The following SOX5 variants were observed in gnomAD, a reference collection of about 807,000 sequenced individuals.
SOX5 encodes SRY-box transcription factor 5, also known as transcription factor SOX-5.
In SOX5, 9 loss-of-function variants were observed where a neutral mutation model predicts 92.0. The observed-to-expected ratio is 0.10, with a 90% CI of 0.06 to 0.17. The LOEUF is 0.17. Ranked by LOEUF, SOX5 falls within the 10% of genes least tolerant of loss-of-function variation. SOX5 has a pLI of 1.00. For synonymous variants in SOX5, 344 were observed against 336.3 expected, an observed-to-expected ratio of 1.02 and a Z score of -0.25; for missense variants, 642 against 944.5, an observed-to-expected ratio of 0.68 and a Z score of 4.20.
intron 8 of SOX5, among the ~76,000 whole-genome samples, chr12:23,616,154 C>T (rs74071326): frequency 0.086 from 13,059 of 152,158 alleles, 1,009 homozygotes; most frequent in African/African-American, 0.21. Flanking sequence ...TGAACATTGA[C>T]GACTTTCATT....
intron 4 of SOX5, among the ~76,000 whole-genome samples, chr12:24,006,522 G>C (rs1393339305): frequency 6.6e-6 from 1 of 151,784 alleles, no homozygotes; most frequent in East Asian, 1.9e-4. Context: ...TTTGTGTCTC[G>C]GGAGCTGGAT....
chr12:24,083,348 C>T (rs1943590094), intron 4 of SOX5, among the ~76,000 whole-genome samples: 1 of 152,010 alleles, frequency 6.6e-6, no homozygotes, highest in Non-Finnish European at 1.5e-5. Context: ...AGATTTAAAA[C>T]ATGTACTGAG....
intron 3 of SOX5, among the ~76,000 whole-genome samples, chr12:24,231,667 C>T (rs556817176): frequency 2.3e-4 from 35 of 152,242 alleles, no homozygotes; most frequent in African/African-American, 8.2e-4. Context: ...ACGACTATGC[C>T]GGTTACCACT....
chr12:24,014,866 TA>T (rs1433525114), intron 4 of SOX5, among the ~76,000 whole-genome samples: 2 of 152,250 alleles, frequency 1.3e-5, no homozygotes, highest in East Asian at 3.9e-4. Flanking sequence ...CACAGTATAT[TA>T]TTTCATTAAG....
intron 9 of SOX5, among the ~76,000 whole-genome samples, chr12:23,603,468 T>A (rs996604914): frequency 2.6e-4 from 23 of 88,520 alleles, no homozygotes; most frequent in African/African-American, 4.8e-4. Context: ...ATATATATAT[T>A]TTGCTGGTAA....
At chr12:23,796,268 G>A (rs1227598964) in intron 3 of SOX5, among the ~76,000 whole-genome samples, 1 of 152,036 alleles carries the variant, frequency 6.6e-6, no homozygotes, top group East Asian at 1.9e-4. Context: ...ACAAAGCCCT[G>A]CAGAATCCAA....
At chr12:23,646,181 C>G (rs2080825355) in intron 7 of SOX5, among the ~76,000 whole-genome samples, 1 of 151,906 alleles carries the variant, frequency 6.6e-6, no homozygotes, top group Admixed American at 6.6e-5. Flanking sequence ...CTCTTATTTA[C>G]TTATTTATTT....
chr12:24,050,476 T>C (rs768504744), intron 4 of SOX5, among the ~76,000 whole-genome samples: 6 of 152,060 alleles, frequency 3.9e-5, no homozygotes, highest in Non-Finnish European at 5.9e-5. Flanking sequence ...AAAACTACGA[T>C]AGGCAAAGAA....
intron 2 of SOX5, among the ~76,000 whole-genome samples, chr12:24,302,004 G>A (rs1237154052): frequency 6.6e-6 from 1 of 151,926 alleles, no homozygotes. Context: ...TGTTCATAAG[G>A]TCTTTATAAA....
At chr12:24,401,108 C>T (rs1275633010) in intron 1 of SOX5, among the ~76,000 whole-genome samples, 1 of 152,124 alleles carries the variant, frequency 6.6e-6, no homozygotes, top group African/African-American at 2.4e-5. Context: ...AATCCCAGCA[C>T]TTTGGGAGGC....
At position 23,588,744 on chromosome 12, in the gene SOX5, CACACACAT is replaced by C. The variant is rs972486336; in HGVS notation, c.1165-12914_1165-12907del. Among the ~76,000 whole-genome samples the C allele has an allele frequency of 1.1e-4, 17 of 150,180 alleles. No homozygotes were observed. The East Asian group carries it at 2.1e-3, about 19-fold the overall frequency. On this transcript the variant is annotated intron_variant, in intron 9 of 14. Transcript: ENST00000451604. ...GTGCACACACACACACACACACACACACACACATATGTACACATATAAATATATGGTCA... is the reference window on the plus strand; with the variant it reads ...GTGCACACACACACACACACACACACATGTACACATATAAATATATGGTCA...
chr12:24,051,820 T>C (rs770398013), intron 4 of SOX5, among the ~76,000 whole-genome samples: 16 of 152,334 alleles, frequency 1.1e-4, no homozygotes, highest in Non-Finnish European at 1.8e-4. Context: ...ACCACATTAC[T>C]TGCAAACTAG....
chr12:24,371,826 A>G (rs1310864366), intron 1 of SOX5, among the ~76,000 whole-genome samples: 1 of 152,132 alleles, frequency 6.6e-6, no homozygotes, highest in Non-Finnish European at 1.5e-5. Context: ...CATCTCTACT[A>G]AAAATATGAA....
intron 1 of SOX5, among the ~76,000 whole-genome samples, chr12:23,931,561 C>T (rs1275590871): frequency 6.6e-6 from 1 of 151,592 alleles, no homozygotes; most frequent in Non-Finnish European, 1.5e-5. Flanking sequence ...AATGTCACTC[C>T]ATAGATCTTG....
At chr12:24,125,136 T>C (rs1441171871) in intron 4 of SOX5, among the ~76,000 whole-genome samples, 1 of 152,222 alleles carries the variant, frequency 6.6e-6, no homozygotes, top group Non-Finnish European at 1.5e-5. Context: ...CAATTCCCCA[T>C]TGTAAAACTT....
intron 4 of SOX5, among the ~76,000 whole-genome samples, chr12:24,008,992 C>A (rs1952622187): frequency 1.3e-5 from 2 of 152,200 alleles, no homozygotes; most frequent in African/African-American, 4.8e-5. Context: ...AAGTCACTTG[C>A]CCTGTAAGAG....
At chr12:24,518,312 G>T (rs1949977836) in intron 1 of SOX5, among the ~76,000 whole-genome samples, 1 of 151,876 alleles carries the variant, frequency 6.6e-6, no homozygotes, top group Admixed American at 6.6e-5. Context: ...CAAGTAATCT[G>T]CCCACCTGAG....
At chr12:23,772,515 G>C (rs1423770085) in intron 3 of SOX5, among the ~76,000 whole-genome samples, 1 of 152,118 alleles carries the variant, frequency 6.6e-6, no homozygotes, top group African/African-American at 2.4e-5. Context: ...AAAAGAAAAA[G>C]TTCTCTCAAA....
rs1333461945 is a variant in SOX5 at position 24,349,025 on chromosome 12, C to A, written c.-174+19538G>T. Among the ~76,000 whole-genome samples, 8 of 152,290 alleles carry A rather than the reference C, an allele frequency of 5.3e-5. No homozygotes were observed. The East Asian group carries it at 1.5e-3, about 29-fold the overall frequency. On this transcript the variant is annotated intron_variant, in intron 2 of 4. Coordinates refer to the SOX5 transcript ENST00000446891. ...ATAAATTACCCAGTCTCAGGTACGC[C>A]TTTATTGGCAGTGTGAGAATGGACT...
Sources: gnomAD v4.1 joint callset for allele counts (sites outside exome capture counted in the v4.1 genomes callset) on GRCh38, gnomAD v4.1.1 for gene constraint, MANE v1.5 for transcripts, NCBI Gene and HGNC (gene_info 2026-07-23, HGNC 2026-07-21) for gene names.